The following WNT4 variants were observed in gnomAD, a reference collection of about 807,000 sequenced individuals.
The protein encoded by WNT4 is Wnt family member 4.
A neutral mutation model predicts 34.5 loss-of-function variants in WNT4; 16 were observed. That is an observed-to-expected ratio of 0.46 (90% confidence interval 0.31 to 0.70). WNT4 has a LOEUF of 0.70. Among genes scored for constraint, WNT4 ranks in the 30% least tolerant of loss-of-function variants. WNT4 has a pLI of 0.04. For synonymous variants in WNT4, 200 were observed against 211.9 expected, an observed-to-expected ratio of 0.94 and a Z score of 0.49; for missense variants, 379 against 495.9, an observed-to-expected ratio of 0.76 and a Z score of 2.24.
rs1293865155 is a variant in WNT4 at position 22,121,308 on chromosome 1, G to A, written c.491C>T (p.Ala164Val). Residue 164 changes from alanine to valine, a missense_variant, in exon 4 of 5, where the codon GCC (alanine) becomes GTC (valine). By Grantham distance (64) the Ala-to-Val change is moderately conservative. This residue lies in a region of WNT4 where 313 missense variants were observed against 445.8 expected (regional missense o/e 0.70). Coordinates refer to ENST00000290167, the MANE Select transcript of WNT4 (RefSeq NM_030761.5). Reference sequence around the variant, plus strand: ...CACATCCACAAACGACTGTGAGAAGGCCACACCGTAGGCGATGTTGTCAGA... The same window carrying A: ...CACATCCACAAACGACTGTGAGAAGACCACACCGTAGGCGATGTTGTCAGA... ...GCSDNIAYGVAFSQSFVDVRE... is the reference protein window; with the variant it reads ...GCSDNIAYGVVFSQSFVDVRE... 2 of 1,614,072 alleles carry A rather than the reference G, an allele frequency of 1.2e-6. No homozygotes were observed. The highest frequency in any genetic ancestry group is 1.7e-6 in the Non-Finnish European group (2 of 1,180,040).
chr1:22,117,477 T>C lies in WNT4; in HGVS notation c.*2573A>G, dbSNP rs1356775313. On this transcript the variant is annotated 3_prime_UTR_variant, in exon 5 of 5. Coordinates refer to ENST00000290167, the MANE Select transcript of WNT4 (RefSeq NM_030761.5). The stretch of plus-strand genomic sequence containing the variant: ...TAGGCCTCAGGGCATCACCTTTGCC[T>C]TGGGACGAGAGGAGAGTGGTTTGGG... The C allele has an allele frequency of 6.6e-6, 1 of 152,318 alleles. No individual in the cohort carries two copies. The highest frequency in any genetic ancestry group is 1.5e-5 in the Non-Finnish European group (1 of 68,118). 9.4% of individuals were successfully genotyped at this position (152,318 alleles called of 1,614,324 possible). A position where few individuals can be genotyped will look rare whatever the true frequency, so the allele number is the denominator to read the frequency against.
At chr1:22,141,957 T>TGG (rs1646071272) in intron 1 of WNT4, among the ~76,000 whole-genome samples, 1 of 152,124 alleles carries the variant, frequency 6.6e-6, no homozygotes, top group Middle Eastern at 3.2e-3. Context: ...CAGGAGGAAC[T>TGG]GGGGCCAGGG....
chr1:22,125,718 G>A (rs556556085), intron 2 of WNT4, among the ~76,000 whole-genome samples: 4 of 152,282 alleles, frequency 2.6e-5, no homozygotes, highest in African/African-American at 9.6e-5. Flanking sequence ...ACACGGTAGA[G>A]GCAGAGGAGG....
intron 1 of WNT4, among the ~76,000 whole-genome samples, chr1:22,136,823 G>A (rs921324027): frequency 1.3e-5 from 2 of 152,152 alleles, no homozygotes; most frequent in Non-Finnish European, 2.9e-5. Context: ...GGTTGACTGA[G>A]AATCCCCAAG....
Position 22,125,660 on chromosome 1 carries a change from C to T in WNT4, c.313+3956G>A, listed in dbSNP as rs1488046791. Among the ~76,000 whole-genome samples, 7 of 152,180 alleles carry T rather than the reference C, an allele frequency of 4.6e-5. No homozygotes were observed. The East Asian group carries it at 1.4e-3, about 29-fold the overall frequency. The stretch of plus-strand genomic sequence containing the variant: ...ACCCTGAAGGGGCCTCAGAATTCAT[C>T]AAGTCCTTCATCTCAGGACAGGGAC... On this transcript the variant is annotated intron_variant, in intron 2 of 4. Transcript: ENST00000290167.
chr1:22,136,999 G>A (rs1261501844), intron 1 of WNT4, among the ~76,000 whole-genome samples: 1 of 152,150 alleles, frequency 6.6e-6, no homozygotes, highest in African/African-American at 2.4e-5. Context: ...GGGTCTGAAG[G>A]GACCATTCAC....
Position 22,119,905 on chromosome 1 carries a change from G to A in WNT4, c.*145C>T, listed in dbSNP as rs1334096463. On this transcript the variant is annotated 3_prime_UTR_variant, in exon 5 of 5. Coordinates refer to ENST00000290167, the MANE Select transcript of WNT4 (RefSeq NM_030761.5). Reference sequence around the variant, plus strand: ...CCCTTGGGGTTGCCTGCCTGGTTTCGGCAATAAATAACATGAGGACCCAAA... The same window carrying A: ...CCCTTGGGGTTGCCTGCCTGGTTTCAGCAATAAATAACATGAGGACCCAAA... The A allele has an allele frequency of 9.4e-6, 10 of 1,064,434 alleles. No individual in the cohort carries two copies. The highest frequency in any genetic ancestry group is 1.6e-5 in the African/African-American group (1 of 63,326). 65.9% of individuals were successfully genotyped at this position (1,064,434 alleles called of 1,614,324 possible). A position where few individuals can be genotyped will look rare whatever the true frequency, so the allele number is the denominator to read the frequency against.
At chr1:22,122,828 A>T (rs1645912013) in intron 2 of WNT4, among the ~76,000 whole-genome samples, 1 of 152,120 alleles carries the variant, frequency 6.6e-6, no homozygotes, top group South Asian at 2.1e-4. Context: ...GAGGCTGAGC[A>T]CTGGGGTGGG....
chr1:22,130,534 T>C (rs877628), intron 1 of WNT4, among the ~76,000 whole-genome samples: 7,322 of 152,330 alleles, frequency 0.048, 246 homozygotes, highest in East Asian at 0.12. Context: ...CCCAGCACAC[T>C]GAGTCTCCCA....
intron 2 of WNT4, among the ~76,000 whole-genome samples, chr1:22,129,087 C>T (rs1204710758): frequency 3.3e-5 from 5 of 152,220 alleles, no homozygotes; most frequent in Non-Finnish European, 7.3e-5. Context: ...TGTTTCTGTG[C>T]ATCCCTGTAT....
In WNT4 at chr1:22,129,721, C is replaced by T. The variant is rs371203462; in HGVS notation, c.208G>A (p.Gly70Ser). Residue 70 changes from glycine to serine, a missense_variant, in exon 2 of 5, where the codon GGT (glycine) becomes AGT (serine). Coordinates refer to ENST00000290167, the MANE Select transcript of WNT4 (RefSeq NM_030761.5). ...NLEVMDSVRR[G>S]AQLAIEECQY... is the part of the protein sequence containing the mutation. Reference sequence around the variant, plus strand: ...CACTCCTCAATGGCCAGCTGGGCACCGCGGCGCACCGAGTCCATGACTTCC... The same window carrying T: ...CACTCCTCAATGGCCAGCTGGGCACTGCGGCGCACCGAGTCCATGACTTCC... 8 of 1,613,876 alleles carry T rather than the reference C, an allele frequency of 5.0e-6. No homozygotes were observed. In the South Asian group the frequency reaches 5.5e-5, roughly 11 times the overall value.
rs1192088230 is a variant in WNT4 at position 22,140,344 on chromosome 1, C to T, written c.77+2502G>A. On this transcript the variant is annotated intron_variant, in intron 1 of 4. Coordinates refer to ENST00000290167, the MANE Select transcript of WNT4 (RefSeq NM_030761.5). The surrounding 1 kb of genome is among the most constrained non-coding windows in gnomAD (Gnocchi z 5.9). The stretch of plus-strand genomic sequence containing the variant: ...GGCAGTTACCTCTGCGATCCCCAAT[C>T]TTCTCATCTGTAACGGGATTGAAAC... The T allele has an allele frequency of 1.2e-6, 1 of 854,314 alleles. No homozygotes were observed. Among genetic ancestry groups the T allele is most frequent in the Non-Finnish European group, 1.4e-6 (1 of 710,422 alleles). The allele number at this position is 854,314 out of a possible 1,614,324, so 52.9% of individuals were successfully genotyped here.
rs1011803562 is a variant in WNT4 at position 22,137,853 on chromosome 1, C to T, written c.77+4993G>A. On this transcript the variant is annotated intron_variant, in intron 1 of 4. Transcript: ENST00000290167. This position sits in a 1 kb window ranked among gnomAD's most constrained non-coding sequence, Gnocchi z 5.3. ...CAACAGACACACTTCCTGCCACCCACCTCTGTGCCTTTTAGTATCACCTGA... is the reference window on the plus strand; with the variant it reads ...CAACAGACACACTTCCTGCCACCCATCTCTGTGCCTTTTAGTATCACCTGA... Among the ~76,000 whole-genome samples, 4 of 152,208 alleles carry T rather than the reference C, an allele frequency of 2.6e-5. No individual in the cohort carries two copies. Among genetic ancestry groups the T allele is most frequent in the Non-Finnish European group, 5.9e-5 (4 of 68,046 alleles).
intron 1 of WNT4, among the ~76,000 whole-genome samples, chr1:22,141,383 C>A (rs1444955334): frequency 1.3e-5 from 2 of 152,114 alleles, no homozygotes; most frequent in African/African-American, 2.4e-5. Context: ...TGAACCCATG[C>A]ATTCAAGAAC....
chr1:22,135,716 G>A (rs1646016731), intron 1 of WNT4, among the ~76,000 whole-genome samples: 1 of 152,168 alleles, frequency 6.6e-6, no homozygotes. Context: ...GACACTCATG[G>A]TGGTTTGCAG....
chr1:22,119,826 C>G lies in WNT4; in HGVS notation c.*224G>C. On this transcript the variant is annotated 3_prime_UTR_variant, in exon 5 of 5. Transcript: ENST00000290167. ...GCAGCCAGCGGCACGAGCAAGGTCC[C>G]TTTGGTCAGTGGCAGCCACAAAGGC... is the stretch of plus-strand genomic sequence containing the variant. 1.6e-6 allele frequency: 1 copy of G among 610,516 alleles called. No individual in the cohort carries two copies. The highest frequency in any genetic ancestry group is 2.0e-5 in the South Asian group (1 of 50,614). The allele number at this position is 610,516 out of a possible 1,614,324, so 37.8% of individuals were successfully genotyped here.
intron 2 of WNT4, among the ~76,000 whole-genome samples, chr1:22,125,446 G>A (rs1172830716): frequency 1.3e-5 from 2 of 152,210 alleles, no homozygotes; most frequent in African/African-American, 4.8e-5. Context: ...GAGGATAAAG[G>A]TGAGAGCACA....
In WNT4 at chr1:22,134,560, A is replaced by G. The variant is rs1393002159; in HGVS notation, c.78-4709T>C. ...CATGGACCAGGGACTCCTGGGTCCA[A>G]ATGTCATCCTTGTGTTGCTTGAAGC... On this transcript the variant is annotated intron_variant, in intron 1 of 4. Transcript: ENST00000290167. This position sits in a 1 kb window ranked among gnomAD's most constrained non-coding sequence, Gnocchi z 4.1. Among the ~76,000 whole-genome samples the G allele has an allele frequency of 2.6e-5, 4 of 152,268 alleles. No individual in the cohort carries two copies. In the East Asian group the frequency reaches 7.7e-4, roughly 29 times the overall value.
chr1:22,120,639 G>T lies in WNT4; in HGVS notation c.589-122C>A. ...GGCTGACGCTGCAGTCAGATTTGCC[G>T]TTGTGCCTCCTCTTAGGAATTACGC... On this transcript the variant is annotated intron_variant, in intron 4 of 4. Transcript: ENST00000290167. The T allele has an allele frequency of 7.9e-6, 8 of 1,008,304 alleles. No homozygotes were observed. In the South Asian group the frequency reaches 1.2e-4, roughly 15 times the overall value. 62.5% of individuals were successfully genotyped at this position (1,008,304 alleles called of 1,614,324 possible). A position where few individuals can be genotyped will look rare whatever the true frequency, so the allele number is the denominator to read the frequency against.
Sources: allele counts gnomAD v4.1 joint callset (sites outside exome capture counted in the v4.1 genomes callset), GRCh38; gene constraint gnomAD v4.1.1; regional missense constraint gnomAD v4.1.1; non-coding constraint Gnocchi (gnomAD v3.1); transcripts MANE v1.5; gene names NCBI Gene and HGNC (gene_info 2026-07-23, HGNC 2026-07-21).